The following MATK variants were observed in gnomAD, a reference collection of about 807,000 sequenced individuals.
MATK encodes the protein megakaryocyte-associated tyrosine kinase, also known as megakaryocyte-associated tyrosine-protein kinase.
MATK carries 41 observed loss-of-function variants against 59.8 expected under a neutral mutation model. That is an observed-to-expected ratio of 0.69 (90% CI 0.53 to 0.89). The LOEUF is 0.89. Among genes scored for constraint, MATK ranks in the 40% least tolerant of loss-of-function variants. The pLI is 0.00. For missense variants in MATK, 593 were observed against 719.6 expected (o/e 0.82, Z 2.01); for synonymous variants, 308 against 306.1 (o/e 1.01, Z -0.06).
rs769089261 is a variant in MATK at position 3,783,125 on chromosome 19, C to T, written c.676+1G>A. 10 of 1,613,866 alleles carry T rather than the reference C, an allele frequency of 6.2e-6. No individual in the cohort carries two copies. The highest frequency in any genetic ancestry group is 7.6e-6 in the Non-Finnish European group (9 of 1,179,942). On this transcript the variant is annotated splice_donor_variant, in intron 7 of 13. Coordinates refer to ENST00000310132, the MANE Select transcript of MATK (RefSeq NM_139355.3). LOFTEE classifies it high-confidence loss of function. ...GGTCTGCCCTCCTGGGCGTCCCCTA[C>T]CCCTGGCCAGCTCCTCCTCGGCCGA...
At chr19:3,779,864 C>T (rs746229469) in intron 8 of MATK, 67 bp from the exon 9 acceptor site, 29 of 948,668 alleles carry the variant, frequency 3.1e-5, no homozygotes, top group Admixed American at 6.8e-5. Context: ...GAGAGACAGA[C>T]GGACAGGCCC....
At chr19:3,780,388 A>C (rs2037383423) in intron 8 of MATK, among the ~76,000 whole-genome samples, 1 of 151,914 alleles carries the variant, frequency 6.6e-6, no homozygotes, top group Non-Finnish European at 1.5e-5. Context: ...TTTTTGCAAG[A>C]CCCTTCAGCT....
intron 11 of MATK, 23 bp downstream of exon 11, chr19:3,779,355 A>G: frequency 1.2e-6 from 2 of 1,611,988 alleles, no homozygotes; most frequent in Non-Finnish European, 1.7e-6. Flanking sequence ...CCAGTGCCGC[A>G]GCACCCTGAG....
chr19:3,800,335 A>G (rs559290338), intron 1 of MATK, among the ~76,000 whole-genome samples: 1 of 152,188 alleles, frequency 6.6e-6, no homozygotes, highest in East Asian at 1.9e-4. Context: ...ATTAAAGAAT[A>G]GAGAGCAGGA....
chr19:3,794,620 A>G (rs889124470), intron 1 of MATK, among the ~76,000 whole-genome samples: 3 of 152,172 alleles, frequency 2.0e-5, no homozygotes, highest in Non-Finnish European at 4.4e-5. Flanking sequence ...ATGCTACTGC[A>G]CTCCAGCCTG....
At position 3,779,500 on chromosome 19, in the gene MATK, G is replaced by A. The variant is rs563839618; in HGVS notation, c.927+33C>T. The A allele has an allele frequency of 1.0e-4, 161 of 1,610,096 alleles. 1 individual carries two copies. The East Asian group carries it at 1.2e-3, about 12-fold the overall frequency. On this transcript the variant is annotated intron_variant, in intron 10 of 13. Transcript: ENST00000310132. Reference sequence around the variant, plus strand: ...CGGGATGTTGGGGCTGCTCCGCTGCGTGGGCCCCCTCCCCGCCTGGGCCCC... The same window carrying A: ...CGGGATGTTGGGGCTGCTCCGCTGCATGGGCCCCCTCCCCGCCTGGGCCCC...
upstream of MATK, among the ~76,000 whole-genome samples, chr19:3,789,690 G>A (rs1326981340): frequency 6.6e-6 from 1 of 151,866 alleles, no homozygotes; most frequent in Non-Finnish European, 1.5e-5. Flanking sequence ...GCCTCAGGAG[G>A]GGGTGAGGCA....
chr19:3,784,874 C>T lies in MATK; in HGVS notation c.83G>A (p.Arg28His), dbSNP rs1568407864. The T allele has an allele frequency of 5.8e-6, 9 of 1,539,768 alleles. No homozygotes were observed. The highest frequency in any genetic ancestry group is 1.2e-5 in the South Asian group (1 of 83,854). The change falls in exon 3 of 14, where the codon CGC (arginine) becomes CAC (histidine). Residue 28 changes from arginine (R) to histidine (H), a missense_variant. Arg to His is a conservative substitution (Grantham distance 29, BLOSUM62 0). Transcript: ENST00000310132. ...SAEELPRVSP[R>H]FLRAWHPPPV... is the part of the protein sequence containing the mutation. ...AGGGGGGTGCCAGGCTCGGAGGAAG[C>T]GGGGGCTCACCTGGGGAGGGGACAG...
intron 8 of MATK, among the ~76,000 whole-genome samples, chr19:3,780,671 A>G (rs1431785974): frequency 6.7e-6 from 1 of 148,634 alleles, no homozygotes; most frequent in Non-Finnish European, 1.5e-5. Flanking sequence ...TGACCTCGTG[A>G]TCCGCCCGCC....
chr19:3,797,482 C>T lies in MATK; in HGVS notation c.-58+4050G>A, dbSNP rs117299925. Among the ~76,000 whole-genome samples, 809 of 151,416 alleles carry T rather than the reference C, an allele frequency of 5.3e-3. 9 individuals are homozygous for T. Among genetic ancestry groups the T allele is most frequent in the Non-Finnish European group, 9.2e-3 (621 of 67,814 alleles). On this transcript the variant is annotated intron_variant, in intron 1 of 13. Transcript: ENST00000395045. ...GGCTAATTTTTTTGATTTTTAGTCT[C>T]ACTATGTTTCCCAGGCTGGTTTCAA...
intron 1 of MATK, among the ~76,000 whole-genome samples, chr19:3,799,364 C>T (rs900812405): frequency 6.6e-6 from 1 of 152,266 alleles, no homozygotes; most frequent in Middle Eastern, 3.4e-3. Context: ...ACCCTCACTG[C>T]GTGAAGTGAC....
chr19:3,783,127 C>T lies in MATK; in HGVS notation c.675G>A (p.Arg225=), dbSNP rs1042232462. 2 of 1,613,790 alleles carry T rather than the reference C, an allele frequency of 1.2e-6. No homozygotes were observed. Among genetic ancestry groups the T allele is most frequent in the African/African-American group, 1.3e-5 (1 of 74,942 alleles). ...GTKSAEEELA[R]AGWLLNLQHL... is the part of the protein sequence containing the mutation. ...TCTGCCCTCCTGGGCGTCCCCTACCCCTGGCCAGCTCCTCCTCGGCCGACT... is the reference window on the plus strand; with the variant it reads ...TCTGCCCTCCTGGGCGTCCCCTACCTCTGGCCAGCTCCTCCTCGGCCGACT... The change falls in exon 7 of 14, where the codon AGG becomes AGA. Residue 225 remains arginine (R), a splice_region_variant and synonymous_variant. Coordinates refer to ENST00000310132, the MANE Select transcript of MATK (RefSeq NM_139355.3).
chr19:3,789,386 C>A, upstream of MATK: 2 of 719,546 alleles, frequency 2.8e-6, no homozygotes, highest in Non-Finnish European at 2.6e-6. Flanking sequence ...CCCATGAAGA[C>A]TTTCTCCTCT....
intron 2 of MATK, 51 bp downstream of exon 2, chr19:3,785,013 G>C: frequency 6.3e-7 from 1 of 1,583,214 alleles, no homozygotes; most frequent in Non-Finnish European, 8.7e-7. Context: ...AGGCATCCTG[G>C]ATGGGACCCA....
upstream of MATK, among the ~76,000 whole-genome samples, chr19:3,788,969 G>A (rs1355411293): frequency 6.6e-6 from 1 of 152,166 alleles, no homozygotes; most frequent in Non-Finnish European, 1.5e-5. Context: ...GGGATTATAG[G>A]CGTGAGCCAC....
chr19:3,778,429 A>G lies in MATK; in HGVS notation c.1285-7T>C, dbSNP rs1218640379. ...CCGACACCTCTTTCAGTGACTGCGG[A>G]CAGCAGGCGTGGGCAGGGGTCAGGG... On this transcript the variant is annotated splice_polypyrimidine_tract_variant and splice_region_variant and intron_variant, in intron 13 of 13. Coordinates refer to ENST00000310132, the MANE Select transcript of MATK (RefSeq NM_139355.3). 6.2e-7 allele frequency: 1 copy of G among 1,613,330 alleles called. No homozygotes were observed. Among genetic ancestry groups the G allele is most frequent in the Non-Finnish European group, 8.5e-7 (1 of 1,179,912 alleles).
At position 3,779,122 on chromosome 19, in the gene MATK, C is replaced by T; in HGVS notation, c.1067G>A (p.Arg356His). The T allele has an allele frequency of 2.5e-6, 4 of 1,609,728 alleles. No homozygotes were observed. The highest frequency in any genetic ancestry group is 2.2e-5 in the East Asian group (1 of 44,830). The change falls in exon 12 of 14, where the codon CGC becomes CAC. Residue 356 changes from arginine to histidine, a missense_variant. Coordinates refer to ENST00000310132, the MANE Select transcript of MATK (RefSeq NM_139355.3). The part of the protein sequence containing the change: ...KKLVHRDLAA[R>H]NILVSEDLVA... ...CAGGTCCTCTGAGACCAGGATGTTG[C>T]GGGCGGCCAGGTCGCGGTGCACAAG...
At chr19:3,797,589 G>C (rs2037607796) in intron 1 of MATK, among the ~76,000 whole-genome samples, 1 of 151,990 alleles carries the variant, frequency 6.6e-6, no homozygotes, top group Admixed American at 6.6e-5. Context: ...CCCAGTGACT[G>C]TCAGAGTTTT....
chr19:3,792,316 T>C (rs2037550527), intron 1 of MATK, among the ~76,000 whole-genome samples: 1 of 152,054 alleles, frequency 6.6e-6, no homozygotes, highest in Non-Finnish European at 1.5e-5. Flanking sequence ...TAGTAGGTGA[T>C]GAGTCATATG....
Sources: allele counts gnomAD v4.1 joint callset (sites outside exome capture counted in the v4.1 genomes callset), GRCh38; gene constraint gnomAD v4.1.1; transcripts MANE v1.5; gene names NCBI Gene and HGNC (gene_info 2026-07-23, HGNC 2026-07-21).